The following ANKS6 variants were observed in gnomAD, a reference collection of about 807,000 sequenced individuals.
The protein encoded by ANKS6 is ankyrin repeat and SAM domain-containing protein 6.
A neutral mutation model predicts 77.9 loss-of-function variants in ANKS6; 47 were observed. That is an observed-to-expected ratio of 0.60 (90% CI 0.48 to 0.77). The LOEUF is 0.77. Among genes scored for constraint, ANKS6 ranks in the 30% least tolerant of loss-of-function variants. The pLI is 0.00. For missense variants in ANKS6, 1,150 were observed against 1,159.1 expected, an observed-to-expected ratio of 0.99 and a Z score of 0.11; for synonymous variants, 488 against 501.7, an observed-to-expected ratio of 0.97 and a Z score of 0.37.
At chr9:98,746,581 GC>G (rs1412734045) in intron 13 of ANKS6, among the ~76,000 whole-genome samples, 2 of 140,230 alleles carry the variant, frequency 1.4e-5, no homozygotes, top group African/African-American at 2.9e-5. Flanking sequence ...GGCACAGAGA[GC>G]TTTTTTTTTT....
At chr9:98,746,212 G>A (rs1424667907) in intron 13 of ANKS6, 1 of 153,174 alleles carries the variant, frequency 6.5e-6, no homozygotes, top group Non-Finnish European at 1.5e-5. Context: ...TTCTATGGGT[G>A]AGATCCTAAT....
chr9:98,744,028 G>C (rs911845151), intron 14 of ANKS6, among the ~76,000 whole-genome samples: 1 of 152,166 alleles, frequency 6.6e-6, no homozygotes. Flanking sequence ...TAACAGCAGA[G>C]CAGAAGCGGT....
chr9:98,756,858 C>A (rs545351432), intron 11 of ANKS6, among the ~76,000 whole-genome samples: 1 of 151,634 alleles, frequency 6.6e-6, no homozygotes, highest in South Asian at 2.1e-4. Flanking sequence ...CACCCCGCTC[C>A]CCACCCCGCC....
chr9:98,746,729 A>T (rs1832155516), intron 13 of ANKS6, among the ~76,000 whole-genome samples: 1 of 151,994 alleles, frequency 6.6e-6, no homozygotes, highest in South Asian at 2.1e-4. Flanking sequence ...GGCCTCCCTC[A>T]TGGGCTTTTC....
chr9:98,754,927 A>G (rs1019289329), intron 12 of ANKS6, among the ~76,000 whole-genome samples: 6 of 152,118 alleles, frequency 3.9e-5, no homozygotes, highest in African/African-American at 1.4e-4. Context: ...TTTGGAAAAC[A>G]ATGGGGCACA....
Position 98,784,816 on chromosome 9 carries a change from T to C in ANKS6, c.907+16A>G. 1 of 1,610,218 alleles carries C rather than the reference T, an allele frequency of 6.2e-7. No homozygotes were observed. The highest frequency in any genetic ancestry group is 8.5e-7 in the Non-Finnish European group (1 of 1,177,910). On this transcript the variant is annotated intron_variant, in intron 3 of 14. Transcript: ENST00000353234. The stretch of plus-strand genomic sequence containing the variant: ...TATATTCTTAAATATCCAAAAAGAT[T>C]TTCTAAAGCGCTTACCCATTTTCAA...
chr9:98,761,880 TA>T (rs1833032132), intron 11 of ANKS6, among the ~76,000 whole-genome samples: 1 of 152,184 alleles, frequency 6.6e-6, no homozygotes, highest in African/African-American at 2.4e-5. Flanking sequence ...ATATGACTAT[TA>T]TAATTTTTTG....
At chr9:98,755,775 G>A (rs1222523848) in intron 12 of ANKS6, among the ~76,000 whole-genome samples, 1 of 152,246 alleles carries the variant, frequency 6.6e-6, no homozygotes, top group African/African-American at 2.4e-5. Context: ...TGTGGACACA[G>A]AGATAGTCAA....
At chr9:98,741,944 A>G (rs1034473843) in intron 14 of ANKS6, among the ~76,000 whole-genome samples, 1 of 152,274 alleles carries the variant, frequency 6.6e-6, no homozygotes, top group Admixed American at 6.5e-5. Flanking sequence ...TCATGTAAAC[A>G]CATGTAACTG....
Position 98,778,302 on chromosome 9 carries a change from G to A in ANKS6, c.1491C>T (p.Ser497=), listed in dbSNP as rs779407507. Reference sequence around the variant, plus strand: ...TGTCCTGGGGGGCAGCCCTCATTGTGGAGTCCAGAGCTGGCTCAGGCTCGT... The same window carrying A: ...TGTCCTGGGGGGCAGCCCTCATTGTAGAGTCCAGAGCTGGCTCAGGCTCGT... The part of the protein sequence containing the change: ...FSDEPEPALD[S]TMRAAPQDKT... Residue 497 remains serine, a synonymous_variant, in exon 7 of 15, where the codon TCC becomes TCT. Coordinates refer to ENST00000353234, the MANE Select transcript of ANKS6 (RefSeq NM_173551.5). The A allele has an allele frequency of 6.2e-7, 1 of 1,614,192 alleles. No individual in the cohort carries two copies. Among genetic ancestry groups the A allele is most frequent in the Non-Finnish European group, 8.5e-7 (1 of 1,180,036 alleles).
intron 5 of ANKS6, among the ~76,000 whole-genome samples, chr9:98,781,430 C>T (rs1047692814): frequency 5.3e-5 from 8 of 152,104 alleles, no homozygotes; most frequent in Non-Finnish European, 1.0e-4. Flanking sequence ...GGACTGATTC[C>T]GAATAACAAA....
At position 98,756,552 on chromosome 9, in the gene ANKS6, T is replaced by G. The variant is rs993913193; in HGVS notation, c.2194A>C (p.Ser732Arg). The change falls in exon 12 of 15, where the codon AGC (serine) becomes CGC (arginine). Residue 732 changes from serine (S) to arginine (R), a missense_variant. Physicochemically the swap from Ser to Arg is moderately radical, Grantham distance 110. Coordinates refer to ENST00000353234, the MANE Select transcript of ANKS6 (RefSeq NM_173551.5). The stretch of plus-strand genomic sequence containing the variant: ...GAGGGCGTGAGGGTTGGAGAGGTGC[T>G]CTTGGAGGTAGTGGAAGTTCCAGAT... ...PPSGTSTTSK[S>R]TSPTLTPSPS... 6.3e-7 allele frequency: 1 copy of G among 1,578,390 alleles called. No individual in the cohort carries two copies. The highest frequency in any genetic ancestry group is 8.6e-7 in the Non-Finnish European group (1 of 1,165,060).
At chr9:98,755,000 G>A (rs72735322) in intron 12 of ANKS6, among the ~76,000 whole-genome samples, 4,278 of 152,244 alleles carry the variant, frequency 0.028, 98 homozygotes, top group South Asian at 0.048. Context: ...GAGAATTCAC[G>A]AGTGTGGAAC....
intron 10 of ANKS6, among the ~76,000 whole-genome samples, chr9:98,770,449 A>G (rs1833555820): frequency 6.6e-6 from 1 of 152,152 alleles, no homozygotes; most frequent in Admixed American, 6.5e-5. Context: ...CTGCAAGCCC[A>G]TAATAACTTT....
At chr9:98,768,981 G>A (rs1833470140) in intron 10 of ANKS6, among the ~76,000 whole-genome samples, 3 of 152,130 alleles carry the variant, frequency 2.0e-5, no homozygotes, top group Non-Finnish European at 4.4e-5. Context: ...TAAAAAATTA[G>A]CTGGGTGTGG....
rs1588304622 is a variant in ANKS6 at position 98,734,300 on chromosome 9, A to G, written c.*2219T>C. On this transcript the variant is annotated 3_prime_UTR_variant, in exon 15 of 15. Transcript: ENST00000353234. ...AGCCCCGCTCTGTCCAGGGTCATCC[A>G]ATGAGTTCATGGAGGTCTACATTTG... 1 of 985,492 alleles carries G rather than the reference A, an allele frequency of 1.0e-6. No individual in the cohort carries two copies. Among genetic ancestry groups the G allele is most frequent in the South Asian group, 4.7e-5 (1 of 21,278 alleles). The allele number at this position is 985,492 out of a possible 1,614,324, so 61.0% of individuals were successfully genotyped here. A position where few individuals can be genotyped will look rare whatever the true frequency, so the allele number is the denominator to read the frequency against.
chr9:98,739,734 T>G (rs1320629206), intron 14 of ANKS6, among the ~76,000 whole-genome samples: 1 of 150,270 alleles, frequency 6.7e-6, no homozygotes, highest in African/African-American at 2.5e-5. Context: ...GATCCTATCC[T>G]CAGAGGGCAG....
In ANKS6 at chr9:98,771,023, A is replaced by G; in HGVS notation, c.1845T>C (p.Phe615=). 1 of 1,589,278 alleles carries G rather than the reference A, an allele frequency of 6.3e-7. No homozygotes were observed. The highest frequency in any genetic ancestry group is 8.6e-7 in the Non-Finnish European group (1 of 1,167,964). ...AGGCTGGGCTTCTGGGGAGGCTTGG[A>G]AATTTAACAGGCCTGACGGGTGTCT... The part of the protein sequence containing the change: ...TDTTPVRPVK[F]PSLPRSPASS... The change falls in exon 10 of 15, where the codon TTT becomes TTC. Residue 615 remains phenylalanine, a synonymous_variant. Transcript: ENST00000353234.
intron 14 of ANKS6, 41 bp downstream of exon 14, chr9:98,745,518 G>C: frequency 6.4e-7 from 1 of 1,568,662 alleles, no homozygotes; most frequent in Admixed American, 1.7e-5. Context: ...GAAGCTCTCA[G>C]ATGTCTGAAA....
Sources: allele counts gnomAD v4.1 joint callset (sites outside exome capture counted in the v4.1 genomes callset), GRCh38; gene constraint gnomAD v4.1.1; transcripts MANE v1.5; gene names NCBI Gene and HGNC (gene_info 2026-07-23, HGNC 2026-07-21).